Variants in PRR5L observed in about 807,000 individuals in gnomAD.
PRR5L encodes proline-rich protein 5-like.
PRR5L carries 21 observed loss-of-function variants against 36.4 expected under a neutral mutation model. The observed-to-expected ratio is 0.58, with a 90% CI of 0.41 to 0.83. The LOEUF is 0.83. Ranked by LOEUF, PRR5L falls within the 40% of genes least tolerant of loss-of-function variation. The pLI, the probability that PRR5L is intolerant of heterozygous loss-of-function variation, is 0.00. For missense variants in PRR5L, 381 were observed against 473.3 expected (o/e 0.80, Z 1.81); for synonymous variants, 188 against 197.0 (o/e 0.95, Z 0.38).
At chr11:36,375,677 AAAC>A (rs1201541441) in intron 1 of PRR5L, among the ~76,000 whole-genome samples, 7 of 152,330 alleles carry the variant, frequency 4.6e-5, no homozygotes, top group Middle Eastern at 3.4e-3. Context: ...CACCTGCAAA[AAAC>A]AACAAGAACA....
chr11:36,432,623 T>C (rs1858524301), intron 5 of PRR5L, among the ~76,000 whole-genome samples: 1 of 152,296 alleles, frequency 6.6e-6, no homozygotes, highest in African/African-American at 2.4e-5. Flanking sequence ...GCTTTTATCA[T>C]TTTTGAAGTG....
chr11:36,365,057 G>T (rs1857130469), intron 1 of PRR5L, among the ~76,000 whole-genome samples: 1 of 152,100 alleles, frequency 6.6e-6, no homozygotes, highest in African/African-American at 2.4e-5. Flanking sequence ...GCTTAGTCTG[G>T]GCCTGGTACT....
At chr11:36,449,700 G>A (rs943440268) in intron 7 of PRR5L, among the ~76,000 whole-genome samples, 6 of 152,068 alleles carry the variant, frequency 3.9e-5, no homozygotes, top group Non-Finnish European at 7.4e-5. Context: ...AATGATTTTT[G>A]AACACGAGGC....
intron 1 of PRR5L, among the ~76,000 whole-genome samples, chr11:36,397,804 GT>G (rs553676123): frequency 1.5e-4 from 22 of 145,156 alleles, no homozygotes; most frequent in African/African-American, 5.1e-4. Context: ...TTCTTTTTTT[GT>G]TTTTTTTTGA....
rs1422848571 is a variant in PRR5L at position 36,351,413 on chromosome 11, GTA to G, written c.-125-49576_-125-49575del. On this transcript the variant is annotated intron_variant, in intron 1 of 8. Transcript: ENST00000530639. ...AATATATATATTTATAAATATATATGTATATATATTTATATATTTATATATAC... is the reference window on the plus strand; with the variant it reads ...AATATATATATTTATAAATATATATGTATATATTTATATATTTATATATAC... Among the ~76,000 whole-genome samples the G allele has an allele frequency of 8.4e-4, 45 of 53,518 alleles. 1 individual carries two copies. The highest frequency in any genetic ancestry group is 3.0e-3 in the African/African-American group (31 of 10,226). 35.1% of individuals were successfully genotyped at this position (53,518 alleles called of 152,430 possible).
chr11:36,342,657 G>T (rs908272439), intron 1 of PRR5L, among the ~76,000 whole-genome samples: 11 of 152,132 alleles, frequency 7.2e-5, no homozygotes, highest in Non-Finnish European at 1.3e-4. Context: ...ATCCCTTGAG[G>T]TTCAGCGAGA....
At chr11:36,364,169 A>G (rs1030777436) in intron 1 of PRR5L, among the ~76,000 whole-genome samples, 1 of 152,150 alleles carries the variant, frequency 6.6e-6, no homozygotes, top group African/African-American at 2.4e-5. Flanking sequence ...AATAATAATA[A>G]TTGCACTGGG....
chr11:36,398,875 C>T (rs1857727655), intron 1 of PRR5L: 1 of 152,238 alleles, frequency 6.6e-6, no homozygotes, highest in South Asian at 2.1e-4. Flanking sequence ...TTCTACTTCC[C>T]TGTACCAGTG....
At chr11:36,358,048 G>C (rs765340070) in intron 1 of PRR5L, among the ~76,000 whole-genome samples, 4 of 152,176 alleles carry the variant, frequency 2.6e-5, no homozygotes, top group Non-Finnish European at 4.4e-5. Flanking sequence ...CAGGTGTTTA[G>C]AAGAAGTTGA....
rs1044849917 is a variant in PRR5L at position 36,431,737 on chromosome 11, G to A, written c.295-116G>A. The stretch of plus-strand genomic sequence containing the variant: ...AAAGGCTTCTTAAACTCCGAGGCAC[G>A]GCTAGAACACAAGTGCCTAGAACTC... On this transcript the variant is annotated intron_variant, in intron 4 of 8. Transcript: ENST00000530639. The A allele has an allele frequency of 4.3e-5, 39 of 900,486 alleles. No individual in the cohort carries two copies. In the South Asian group the frequency reaches 4.8e-4, roughly 11 times the overall value. The allele number at this position is 900,486 out of a possible 1,614,324, so 55.8% of individuals were successfully genotyped here.
At chr11:36,394,854 G>A (rs750567109) in intron 1 of PRR5L, among the ~76,000 whole-genome samples, 61 of 152,260 alleles carry the variant, frequency 4.0e-4, no homozygotes, top group Middle Eastern at 3.4e-3. Flanking sequence ...ATGCATCTTT[G>A]TGGGGGGTGG....
At chr11:36,370,239 G>A (rs1219991364) in intron 1 of PRR5L, among the ~76,000 whole-genome samples, 4 of 152,034 alleles carry the variant, frequency 2.6e-5, no homozygotes, top group Admixed American at 6.6e-5. Flanking sequence ...CTTCTGTTTG[G>A]AACATTCTTC....
intron 1 of PRR5L, among the ~76,000 whole-genome samples, chr11:36,399,878 G>A (rs772674184): frequency 3.9e-5 from 6 of 152,242 alleles, no homozygotes; most frequent in Non-Finnish European, 7.3e-5. Flanking sequence ...TGAGGCCCAT[G>A]GCTCCGCCAT....
chr11:36,445,936 A>G lies in PRR5L; in HGVS notation c.445-364A>G, dbSNP rs112006106. 2.3e-3 allele frequency among the ~76,000 whole-genome samples: 347 copies of G among 152,312 alleles called. 2 individuals are homozygous for G. Among genetic ancestry groups the G allele is most frequent in the African/African-American group, 8.0e-3 (333 of 41,560 alleles). ...TGATAGATGTTCAGATATATTATAG[A>G]TGAAGTTGAGAAAACGGCCTTGAAT... On this transcript the variant is annotated intron_variant, in intron 6 of 8. Transcript: ENST00000530639.
At chr11:36,431,463 T>C (rs537222953) in intron 4 of PRR5L, among the ~76,000 whole-genome samples, 2 of 125,052 alleles carry the variant, frequency 1.6e-5, no homozygotes, top group African/African-American at 5.1e-5. Flanking sequence ...ATCTTTTTTT[T>C]TAAAAAAAAA....
At chr11:36,415,351 G>C (rs1014017149) in intron 3 of PRR5L, among the ~76,000 whole-genome samples, 1 of 152,188 alleles carries the variant, frequency 6.6e-6, no homozygotes, top group Admixed American at 6.5e-5. Context: ...GTTGCCTTAC[G>C]TAATTTCCAG....
intron 1 of PRR5L, among the ~76,000 whole-genome samples, chr11:36,349,463 G>A (rs1856904778): frequency 6.6e-6 from 1 of 152,106 alleles, no homozygotes; most frequent in Admixed American, 6.5e-5. Context: ...GGAAACAGGA[G>A]GCCCGAGTAG....
chr11:36,394,262 G>A (rs1166062978), intron 1 of PRR5L: 1 of 152,252 alleles, frequency 6.6e-6, no homozygotes, highest in Admixed American at 6.5e-5. Context: ...TGACTCGGGT[G>A]CCTTTTCTCT....
chr11:36,299,588 C>G (rs1326551712), intron 1 of PRR5L, among the ~76,000 whole-genome samples: 1 of 152,170 alleles, frequency 6.6e-6, no homozygotes, highest in Non-Finnish European at 1.5e-5. Context: ...AGACCATAGT[C>G]ATTTTTACAT....
Sources: allele counts gnomAD v4.1 joint callset (sites outside exome capture counted in the v4.1 genomes callset), GRCh38; gene constraint gnomAD v4.1.1; transcripts MANE v1.5; gene names NCBI Gene and HGNC (gene_info 2026-07-23, HGNC 2026-07-21).